Variants in ADAMTSL1 observed in about 807,000 individuals in gnomAD.
ADAMTSL1 encodes the protein ADAMTS like 1.
ADAMTSL1 carries 126 observed loss-of-function variants against 201.8 expected under a neutral mutation model. The observed-to-expected ratio is 0.62, with a 90% CI of 0.54 to 0.72. The LOEUF (loss-of-function observed/expected upper bound fraction) is 0.72. ADAMTSL1 is among the 30% of genes least tolerant of loss of function. The pLI, the probability that ADAMTSL1 is intolerant of heterozygous loss-of-function variation, is 0.00. For synonymous variants in ADAMTSL1, 1,121 were observed against 903.4 expected (o/e 1.24, Z -4.32); for missense variants, 2,679 against 2,277.8 (o/e 1.18, Z -3.59).
At chr9:18,608,537 T>C (rs1825172604) in intron 4 of ADAMTSL1, among the ~76,000 whole-genome samples, 1 of 152,222 alleles carries the variant, frequency 6.6e-6, no homozygotes, top group South Asian at 2.1e-4. Flanking sequence ...TGAGTGAATT[T>C]GCTTTTGTCT....
At chr9:18,408,307 A>T (rs370427218) in intron 2 of ADAMTSL1, among the ~76,000 whole-genome samples, 4 of 152,100 alleles carry the variant, frequency 2.6e-5, no homozygotes, top group African/African-American at 9.7e-5. Context: ...TGTCTCTACT[A>T]AAAATATTTA....
At chr9:18,038,412 C>T (rs1821294658) in intron 1 of ADAMTSL1, among the ~76,000 whole-genome samples, 2 of 152,030 alleles carry the variant, frequency 1.3e-5, no homozygotes, top group South Asian at 4.1e-4. Context: ...TCAAGAAGGC[C>T]CTAACCTCCT....
At chr9:18,088,368 C>G (rs778737499) in intron 1 of ADAMTSL1, among the ~76,000 whole-genome samples, 1 of 152,106 alleles carries the variant, frequency 6.6e-6, no homozygotes, top group South Asian at 2.1e-4. Context: ...ACTAAATGCA[C>G]AGGCAGCAAA....
At chr9:18,513,294 G>T (rs900605818) in intron 2 of ADAMTSL1, among the ~76,000 whole-genome samples, 2 of 152,122 alleles carry the variant, frequency 1.3e-5, no homozygotes, top group Non-Finnish European at 2.9e-5. Flanking sequence ...TCCTTGAATG[G>T]CAAGTACTAT....
At chr9:18,425,331 G>A (rs1364885250) in intron 2 of ADAMTSL1, among the ~76,000 whole-genome samples, 1 of 152,108 alleles carries the variant, frequency 6.6e-6, no homozygotes, top group Admixed American at 6.5e-5. Flanking sequence ...TGGCAAGATA[G>A]GTACAAAATG....
At position 17,907,461 on chromosome 9, in the gene ADAMTSL1, G is replaced by A. The variant is rs796723556; in HGVS notation, c.87+539G>A. 5.9e-5 allele frequency among the ~76,000 whole-genome samples: 9 copies of A among 152,284 alleles called. No homozygotes were observed. The South Asian group carries it at 1.2e-3, about 21-fold the overall frequency. On this transcript the variant is annotated intron_variant, in intron 1 of 29. Transcript: ENST00000680146. Reference sequence around the variant, plus strand: ...CAGCGTTGTAATGTGTGCGGACGCCGGACCAGGTGGGCTCCCTGGTGCCTC... The same window carrying A: ...CAGCGTTGTAATGTGTGCGGACGCCAGACCAGGTGGGCTCCCTGGTGCCTC...
chr9:18,562,379 A>G (rs545477512), intron 3 of ADAMTSL1, among the ~76,000 whole-genome samples: 9 of 152,188 alleles, frequency 5.9e-5, no homozygotes, highest in African/African-American at 9.7e-5. Context: ...GTTTCTGCAG[A>G]GAGATCTGCT....
In ADAMTSL1 at chr9:18,225,982, T is replaced by C. The variant is rs142685203; in HGVS notation, c.207+62001T>C. Among the ~76,000 whole-genome samples, 299 of 152,244 alleles carry C rather than the reference T, an allele frequency of 2.0e-3. 2 individuals carry two copies. The highest frequency in any genetic ancestry group is 6.9e-3 in the African/African-American group (286 of 41,560). On this transcript the variant is annotated intron_variant, in intron 2 of 29. Coordinates refer to the ADAMTSL1 transcript ENST00000680146. ...GCCTGGTAGGTGGGTGCTGGTTTCA[T>C]AGTAAAATTTATGTTTTTGAGGAAA... is the stretch of plus-strand genomic sequence containing the variant.
chr9:18,060,981 G>C (rs1389425753), intron 1 of ADAMTSL1, among the ~76,000 whole-genome samples: 6 of 152,194 alleles, frequency 3.9e-5, no homozygotes, highest in African/African-American at 1.4e-4. Flanking sequence ...CACACTGGAT[G>C]AGAACATAAT....
chr9:18,374,202 C>T (rs1294547040), intron 2 of ADAMTSL1, among the ~76,000 whole-genome samples: 1 of 152,176 alleles, frequency 6.6e-6, no homozygotes, highest in African/African-American at 2.4e-5. Flanking sequence ...CTTTTTTGCC[C>T]TAGCATTTGC....
intron 23 of ADAMTSL1, among the ~76,000 whole-genome samples, chr9:18,838,360 TACACAC>T (rs775337751): frequency 0.012 from 1,036 of 86,742 alleles, 14 homozygotes; most frequent in African/African-American, 0.061. Flanking sequence ...CAAACCATAT[TACACAC>T]ACACACACAC....
intron 2 of ADAMTSL1, among the ~76,000 whole-genome samples, chr9:18,293,374 G>C (rs989692837): frequency 1.8e-4 from 28 of 152,096 alleles, no homozygotes; most frequent in Non-Finnish European, 3.1e-4. Context: ...ATGTAGTTTG[G>C]TGACTTCTAC....
intron 23 of ADAMTSL1, among the ~76,000 whole-genome samples, chr9:18,840,994 T>G (rs913108134): frequency 6.8e-6 from 1 of 147,312 alleles, no homozygotes; most frequent in African/African-American, 2.5e-5. Flanking sequence ...AGGGACAATT[T>G]GACTTCCTCT....
chr9:18,578,381 A>G (rs1165789626), intron 4 of ADAMTSL1, among the ~76,000 whole-genome samples: 1 of 152,170 alleles, frequency 6.6e-6, no homozygotes, highest in East Asian at 1.9e-4. Flanking sequence ...TTCACCCTGC[A>G]TCTCAGACTG....
At chr9:18,214,295 T>C (rs1829987556) in intron 2 of ADAMTSL1, among the ~76,000 whole-genome samples, 2 of 152,218 alleles carry the variant, frequency 1.3e-5, no homozygotes, top group South Asian at 4.1e-4. Flanking sequence ...CTCTTCGAAA[T>C]TCAAATACAG....
intron 2 of ADAMTSL1, among the ~76,000 whole-genome samples, chr9:18,343,475 AAATC>A (rs1195865526): frequency 1.3e-5 from 2 of 152,184 alleles, no homozygotes; most frequent in African/African-American, 4.8e-5. Context: ...GTTTGGCTTA[AAATC>A]AACCTTCCTT....
chr9:18,057,549 G>A (rs1822250590), intron 1 of ADAMTSL1, among the ~76,000 whole-genome samples: 1 of 152,122 alleles, frequency 6.6e-6, no homozygotes, highest in African/African-American at 2.4e-5. Context: ...TTACAAACAA[G>A]GGAGAAATCA....
At chr9:18,779,400 T>C (rs1036334122) in intron 19 of ADAMTSL1, among the ~76,000 whole-genome samples, 10 of 152,244 alleles carry the variant, frequency 6.6e-5, no homozygotes, top group Admixed American at 2.0e-4. Context: ...GCTCCAACTG[T>C]ATGCCAGACA....
At chr9:18,470,079 G>C (rs956929100), upstream of ADAMTSL1, among the ~76,000 whole-genome samples, 6 of 152,188 alleles carry the variant, frequency 3.9e-5, no homozygotes, top group Non-Finnish European at 4.4e-5. Flanking sequence ...TCATCTGTCA[G>C]CGTCTCAGAT....
Sources: gnomAD v4.1 joint callset for allele counts (sites outside exome capture counted in the v4.1 genomes callset) on GRCh38, gnomAD v4.1.1 for gene constraint, MANE v1.5 for transcripts, NCBI Gene and HGNC (gene_info 2026-07-23, HGNC 2026-07-21) for gene names.